SMYD3: variants seen among roughly 807,000 people sequenced by gnomAD.
SMYD3 encodes histone-lysine N-methyltransferase SMYD3.
SMYD3 carries 36 observed loss-of-function variants against 57.7 expected under a neutral mutation model. That is an observed-to-expected ratio of 0.62 (90% CI 0.48 to 0.82). The LOEUF is 0.82. SMYD3 is among the 40% of genes least tolerant of loss of function. SMYD3 has a pLI of 0.00. For synonymous variants in SMYD3, 211 were observed against 195.0 expected (o/e 1.08, Z -0.68); for missense variants, 515 against 538.8 (o/e 0.96, Z 0.44).
Position 245,972,383 on chromosome 1 carries a change from A to C in SMYD3, c.532-42446T>G, listed in dbSNP as rs563910041. On this transcript the variant is annotated intron_variant, in intron 5 of 11. Coordinates refer to ENST00000490107, the MANE Select transcript of SMYD3 (RefSeq NM_001167740.2). The stretch of plus-strand genomic sequence containing the variant: ...ATGGTATCACGGTGGTGAAAAGAGC[A>C]CAGATTTTTAAATCAGATATAACAG... Among the ~76,000 whole-genome samples, 236 of 152,324 alleles carry C rather than the reference A, an allele frequency of 1.5e-3. 1 individual carries two copies. Among genetic ancestry groups the C allele is most frequent in the African/African-American group, 5.3e-3 (220 of 41,568 alleles).
At chr1:246,107,033 C>T (rs2061136611) in intron 5 of SMYD3, among the ~76,000 whole-genome samples, 1 of 151,964 alleles carries the variant, frequency 6.6e-6, no homozygotes, top group Non-Finnish European at 1.5e-5. Context: ...GGCACGGTGG[C>T]TCACGCCTGT....
chr1:246,003,446 G>A (rs906921951), intron 5 of SMYD3, among the ~76,000 whole-genome samples: 1 of 152,162 alleles, frequency 6.6e-6, no homozygotes, highest in Admixed American at 6.5e-5. Context: ...TGAGGAATAT[G>A]GACAGCTGAA....
chr1:246,297,639 A>G (rs2064820390), intron 5 of SMYD3, among the ~76,000 whole-genome samples: 2 of 152,192 alleles, frequency 1.3e-5, no homozygotes, highest in Admixed American at 6.5e-5. Flanking sequence ...ACCCTAAACA[A>G]GAATAAATTT....
intron 5 of SMYD3, among the ~76,000 whole-genome samples, chr1:246,031,118 G>A (rs2059664366): frequency 6.6e-6 from 1 of 152,124 alleles, no homozygotes; most frequent in Non-Finnish European, 1.5e-5. Flanking sequence ...TAAAGTGAGG[G>A]CTATAGACTA....
chr1:245,837,361 T>C (rs573059601), intron 10 of SMYD3, among the ~76,000 whole-genome samples: 2 of 152,036 alleles, frequency 1.3e-5, no homozygotes, highest in Non-Finnish European at 2.9e-5. Context: ...TGTTTGCTTC[T>C]TGGATTCTGG....
At chr1:246,316,854 C>T (rs1156789765) in intron 5 of SMYD3, among the ~76,000 whole-genome samples, 6 of 150,596 alleles carry the variant, frequency 4.0e-5, no homozygotes, top group African/African-American at 4.9e-5. Context: ...ATTAGCTGGG[C>T]GTGGTGGTGT....
chr1:246,247,465 C>CTATA (rs200687230), intron 5 of SMYD3, among the ~76,000 whole-genome samples: 22 of 111,896 alleles, frequency 2.0e-4, no homozygotes, highest in African/African-American at 4.2e-4. Flanking sequence ...CTCTCTCTCT[C>CTATA]TATATATATA....
At chr1:245,793,110 C>T (rs1429350770) in intron 10 of SMYD3, among the ~76,000 whole-genome samples, 24 of 131,066 alleles carry the variant, frequency 1.8e-4, no homozygotes, top group South Asian at 1.7e-3. Context: ...GAGATCAAGA[C>T]CATCCTGGCT....
At chr1:245,913,256 G>T (rs546073303) in intron 8 of SMYD3, among the ~76,000 whole-genome samples, 1,774 of 151,306 alleles carry the variant, frequency 0.012, 31 homozygotes, top group African/African-American at 0.04. Context: ...GCAAACTATC[G>T]CAAGGACAAA....
At chr1:245,962,915 G>A (rs2058047042) in intron 5 of SMYD3, among the ~76,000 whole-genome samples, 1 of 152,304 alleles carries the variant, frequency 6.6e-6, no homozygotes, top group East Asian at 1.9e-4. Context: ...AGTTTATCAG[G>A]TAAGACACGA....
At chr1:245,861,150 C>CA (rs1178764658) in intron 9 of SMYD3, among the ~76,000 whole-genome samples, 5 of 151,970 alleles carry the variant, frequency 3.3e-5, no homozygotes, top group Non-Finnish European at 5.9e-5. Flanking sequence ...CCCCAGTGAG[C>CA]CAAAAAATGG....
intron 8 of SMYD3, among the ~76,000 whole-genome samples, chr1:245,869,155 T>C (rs1428462548): frequency 6.6e-6 from 1 of 151,900 alleles, no homozygotes; most frequent in Non-Finnish European, 1.5e-5. Context: ...AATGGGTGAG[T>C]CCTGGAATTT....
chr1:245,765,114 C>CGAT (rs1558313382), intron 10 of SMYD3, among the ~76,000 whole-genome samples: 2 of 147,800 alleles, frequency 1.4e-5, no homozygotes, highest in Non-Finnish European at 3.0e-5. Flanking sequence ...AGGACAGGTG[C>CGAT]GATGGCTCAC....
At chr1:245,809,782 C>G (rs1391618966) in intron 10 of SMYD3, among the ~76,000 whole-genome samples, 1 of 152,222 alleles carries the variant, frequency 6.6e-6, no homozygotes, top group Non-Finnish European at 1.5e-5. Flanking sequence ...TGCTCAGGGA[C>G]AATTCCCTAG....
intron 10 of SMYD3, among the ~76,000 whole-genome samples, chr1:245,810,718 C>G (rs1193845358): frequency 1.3e-5 from 2 of 152,128 alleles, no homozygotes; most frequent in Admixed American, 6.5e-5. Flanking sequence ...CCAGGACCAG[C>G]ATCAGAATTC....
chr1:245,988,774 T>C (rs773952600), intron 5 of SMYD3, among the ~76,000 whole-genome samples: 22 of 152,232 alleles, frequency 1.4e-4, no homozygotes, highest in Non-Finnish European at 2.9e-4. Flanking sequence ...GGGAGGAGGC[T>C]GAGCATGTGT....
At chr1:246,322,782 A>G (rs1211172041) in intron 5 of SMYD3, among the ~76,000 whole-genome samples, 1 of 152,150 alleles carries the variant, frequency 6.6e-6, no homozygotes, top group Non-Finnish European at 1.5e-5. Flanking sequence ...CTCTCCATCC[A>G]ACAGATTATC....
intron 10 of SMYD3, among the ~76,000 whole-genome samples, chr1:245,815,058 C>G (rs1378496984): frequency 2.6e-5 from 4 of 152,202 alleles, no homozygotes; most frequent in Admixed American, 6.5e-5. Context: ...GGACAATGGT[C>G]TTGATCCATC....
intron 5 of SMYD3, among the ~76,000 whole-genome samples, chr1:246,013,405 C>T (rs1292222730): frequency 6.6e-6 from 1 of 152,114 alleles, no homozygotes; most frequent in African/African-American, 2.4e-5. Flanking sequence ...GTCTCGAACT[C>T]CCAACCTCAA....
Sources: gnomAD v4.1 joint callset for allele counts (sites outside exome capture counted in the v4.1 genomes callset) on GRCh38, gnomAD v4.1.1 for gene constraint, MANE v1.5 for transcripts, NCBI Gene and HGNC (gene_info 2026-07-23, HGNC 2026-07-21) for gene names.